SIPA1L1: variants seen among roughly 807,000 people sequenced by gnomAD.
SIPA1L1 encodes signal-induced proliferation-associated 1-like protein 1.
SIPA1L1 carries 26 observed loss-of-function variants against 162.7 expected under a neutral mutation model. That is an observed-to-expected ratio of 0.16 (90% CI 0.12 to 0.22). The LOEUF (loss-of-function observed/expected upper bound fraction) is 0.22, where lower values mean the gene tolerates loss of function less well. SIPA1L1 is among the 10% of genes least tolerant of loss of function. The pLI is 1.00. For synonymous variants in SIPA1L1, 829 were observed against 837.4 expected (o/e 0.99, Z 0.17); for missense variants, 1,874 against 2,241.0 (o/e 0.84, Z 3.31).
intron 22 of SIPA1L1, 78 bp from the exon 23 acceptor site, chr14:71,738,161 TAA>T (rs34549978): frequency 0.12 from 43,155 of 358,118 alleles, 44 homozygotes; most frequent in East Asian, 0.15. Flanking sequence ...CTCCTCAGAG[TAA>T]AAAAAAAAAA....
intron 2 of SIPA1L1, among the ~76,000 whole-genome samples, chr14:71,347,300 C>T (rs947245013): frequency 7.2e-5 from 11 of 152,000 alleles, no homozygotes; most frequent in African/African-American, 2.7e-4. Context: ...ATAATGTTTT[C>T]AGGGTTTGTA....
intron 16 of SIPA1L1, among the ~76,000 whole-genome samples, chr14:71,706,103 A>G (rs1441737837): frequency 3.9e-5 from 6 of 152,160 alleles, no homozygotes; most frequent in Non-Finnish European, 7.3e-5. Flanking sequence ...ACTTTAAATG[A>G]GAGATGCATG....
chr14:71,727,125 TG>T (rs1052075331), intron 19 of SIPA1L1, among the ~76,000 whole-genome samples: 1 of 152,074 alleles, frequency 6.6e-6, no homozygotes, highest in African/African-American at 2.4e-5. Context: ...GAAACCTCAC[TG>T]GCAAGCAGAG....
chr14:71,397,036 G>A (rs1161844776), intron 2 of SIPA1L1, among the ~76,000 whole-genome samples: 1 of 152,132 alleles, frequency 6.6e-6, no homozygotes, highest in Non-Finnish European at 1.5e-5. Context: ...CTCTTTCTAG[G>A]ACCGGCCTCT....
At chr14:71,322,855 C>G (rs1056078476) in intron 2 of SIPA1L1, among the ~76,000 whole-genome samples, 2 of 152,226 alleles carry the variant, frequency 1.3e-5, no homozygotes, top group African/African-American at 4.8e-5. Context: ...CTGTTGTTAG[C>G]TTCTCTGCAG....
At chr14:71,407,101 G>A (rs2042078075) in intron 2 of SIPA1L1, among the ~76,000 whole-genome samples, 3 of 152,150 alleles carry the variant, frequency 2.0e-5, no homozygotes, top group Admixed American at 6.6e-5. Flanking sequence ...AAATTGGCTG[G>A]GTGTGGTGGC....
chr14:71,376,503 CTTTT>C (rs34468277), intron 2 of SIPA1L1, among the ~76,000 whole-genome samples: 2 of 147,452 alleles, frequency 1.4e-5, no homozygotes, highest in East Asian at 2.0e-4. Flanking sequence ...AATCAGGCAA[CTTTT>C]TTTTTTTTAA....
chr14:71,393,658 C>T (rs1292944583), intron 2 of SIPA1L1, among the ~76,000 whole-genome samples: 1 of 151,896 alleles, frequency 6.6e-6, no homozygotes. Flanking sequence ...CCCCACACCC[C>T]ACCAAAAAAA....
chr14:71,705,160 TTGTCACCATG>T, intron 15 of SIPA1L1, 52 bp from the exon 16 acceptor site: 1 of 1,166,194 alleles, frequency 8.6e-7, no homozygotes, highest in African/African-American at 1.5e-5. Flanking sequence ...CCATCTTCAT[TTGTCACCATG>T]TGCTTGTTTC....
intron 8 of SIPA1L1, among the ~76,000 whole-genome samples, chr14:71,652,335 G>A (rs556322737): frequency 3.3e-5 from 5 of 152,210 alleles, no homozygotes; most frequent in Non-Finnish European, 7.4e-5. Flanking sequence ...ATAAGACTTC[G>A]TTCTGTGTGC....
chr14:71,388,238 A>G (rs1463849980), intron 2 of SIPA1L1, among the ~76,000 whole-genome samples: 2 of 152,216 alleles, frequency 1.3e-5, no homozygotes, highest in Admixed American at 6.5e-5. Flanking sequence ...TGAAAAAGTA[A>G]TGCAAAAATT....
rs1346265917 is a variant in SIPA1L1 at position 71,573,452 on chromosome 14, A to C, written c.-302-14119A>C. Reference sequence around the variant, plus strand: ...TGGCGCATCAGAAAACTGAGCATTCACAGTGTGTCCTGTTTGATTGTCTTT... The same window carrying C: ...TGGCGCATCAGAAAACTGAGCATTCCCAGTGTGTCCTGTTTGATTGTCTTT... On this transcript the variant is annotated intron_variant, in intron 4 of 23. Coordinates refer to ENST00000381232, the MANE Select transcript of SIPA1L1 (RefSeq NM_001386936.1). 7.4e-6 allele frequency: 3 copies of C among 403,716 alleles called. No homozygotes were observed. In the East Asian group the frequency reaches 2.2e-4, roughly 29 times the overall value. 25.0% of individuals were successfully genotyped at this position (403,716 alleles called of 1,614,324 possible).
In SIPA1L1 at chr14:71,709,278, A is replaced by G. The variant is rs1418056423; in HGVS notation, c.3822A>G (p.Ser1274=). 3.7e-6 allele frequency: 6 copies of G among 1,614,100 alleles called. No homozygotes were observed. The highest frequency in any genetic ancestry group is 5.1e-6 in the Non-Finnish European group (6 of 1,180,042). The change falls in exon 17 of 24, where the codon TCA becomes TCG. Residue 1274 remains serine (S), a synonymous_variant. Coordinates refer to ENST00000381232, the MANE Select transcript of SIPA1L1 (RefSeq NM_001386936.1). The stretch of plus-strand genomic sequence containing the variant: ...GCAATACTCTCTCCAGCAATGCGTC[A>G]AGTGCCCATAGTGATGAGAAGTGGT... ...SSSNTLSSNA[S]SAHSDEKWYD...
At chr14:71,500,004 C>T (rs2050079308) in intron 2 of SIPA1L1, among the ~76,000 whole-genome samples, 1 of 152,180 alleles carries the variant, frequency 6.6e-6, no homozygotes, top group East Asian at 1.9e-4. Flanking sequence ...AAAATCTTTG[C>T]ATAAACTTCT....
At chr14:71,648,704 G>A (rs2042377025) in intron 7 of SIPA1L1, among the ~76,000 whole-genome samples, 1 of 152,216 alleles carries the variant, frequency 6.6e-6, no homozygotes, top group Admixed American at 6.5e-5. Flanking sequence ...ACTAATGTCA[G>A]CCCCATGTCA....
At chr14:71,654,119 G>A (rs1234423911) in intron 8 of SIPA1L1, among the ~76,000 whole-genome samples, 2 of 152,166 alleles carry the variant, frequency 1.3e-5, no homozygotes, top group Non-Finnish European at 2.9e-5. Context: ...GCTCAGGGAA[G>A]TAATGAACTA....
At chr14:71,513,832 A>G (rs2051420656) in intron 3 of SIPA1L1, among the ~76,000 whole-genome samples, 2 of 152,114 alleles carry the variant, frequency 1.3e-5, no homozygotes, top group African/African-American at 4.8e-5. Flanking sequence ...CCAATTAGGG[A>G]TGACAGTTAG....
chr14:71,548,379 T>C (rs1040707250), intron 4 of SIPA1L1, among the ~76,000 whole-genome samples: 5 of 152,218 alleles, frequency 3.3e-5, no homozygotes, highest in African/African-American at 9.7e-5. Flanking sequence ...ATAAATTGTC[T>C]TTTATCACCA....
chr14:71,361,121 C>T (rs949948011), intron 2 of SIPA1L1, among the ~76,000 whole-genome samples: 3 of 152,136 alleles, frequency 2.0e-5, no homozygotes, highest in South Asian at 2.1e-4. Flanking sequence ...GTTTTTACTT[C>T]TTAATCTTTT....
Sources: gnomAD v4.1 joint callset for allele counts (sites outside exome capture counted in the v4.1 genomes callset) on GRCh38, gnomAD v4.1.1 for gene constraint, MANE v1.5 for transcripts, NCBI Gene and HGNC (gene_info 2026-07-23, HGNC 2026-07-21) for gene names.